The following CCDC38 variants were observed in gnomAD, a reference collection of about 807,000 sequenced individuals.
The protein encoded by CCDC38 is coiled-coil domain containing 38.
A neutral mutation model predicts 72.8 loss-of-function variants in CCDC38; 69 were observed. The observed-to-expected ratio is 0.95, with a 90% CI of 0.78 to 1.16. CCDC38 has a LOEUF of 1.16. Among genes scored for constraint, CCDC38 ranks in the 50% most tolerant of loss-of-function variants. The probability of loss-of-function intolerance (pLI) is 0.00; values close to 1 mark genes in which losing one functional copy is unlikely to be tolerated. For synonymous variants in CCDC38, 201 were observed against 213.2 expected (o/e 0.94, Z 0.50); for missense variants, 626 against 638.9 (o/e 0.98, Z 0.22).
chr12:95,917,209 A>G lies in CCDC38; in HGVS notation c.224T>C (p.Leu75Pro), dbSNP rs768871883. Residue 75 changes from leucine to proline, a missense_variant, in exon 4 of 16, where the codon CTA becomes CCA. Transcript: ENST00000344280. ...ACCACTCCTTTTAGGGTAGAAAGCTAGTTGGCTCAGGTATGAATGACTCTT... is the reference window on the plus strand; with the variant it reads ...ACCACTCCTTTTAGGGTAGAAAGCTGGTTGGCTCAGGTATGAATGACTCTT... ...RMKSHSYLSQ[L>P]AFYPKRSGRS... The G allele has an allele frequency of 6.2e-7, 1 of 1,610,990 alleles. No individual in the cohort carries two copies. The highest frequency in any genetic ancestry group is 1.1e-5 in the South Asian group (1 of 90,324).
intron 2 of CCDC38, among the ~76,000 whole-genome samples, chr12:95,926,426 C>T (rs1166794221): frequency 6.6e-6 from 1 of 151,626 alleles, no homozygotes; most frequent in East Asian, 1.9e-4. Flanking sequence ...TTTGATTCTT[C>T]TCTCTTTTCT....
chr12:95,871,107 C>T (rs1392132111), intron 14 of CCDC38, among the ~76,000 whole-genome samples: 1 of 152,156 alleles, frequency 6.6e-6, no homozygotes. Context: ...ATTACGTGAA[C>T]ATTATCCCAC....
chr12:95,921,735 C>A (rs1375763188), intron 2 of CCDC38, among the ~76,000 whole-genome samples: 4 of 101,638 alleles, frequency 3.9e-5, no homozygotes, highest in African/African-American at 1.8e-4. Context: ...CTGGAGTTGA[C>A]ACCTTAAATC....
chr12:95,906,466 G>A lies in CCDC38; in HGVS notation c.305-15C>T. 2 of 1,590,258 alleles carry A rather than the reference G, an allele frequency of 1.3e-6. No individual in the cohort carries two copies. Among genetic ancestry groups the A allele is most frequent in the Non-Finnish European group, 1.7e-6 (2 of 1,159,820 alleles). ...TGTGTCGGAACCTGTGAAGAAAGTT[G>A]AAATAGACTTAAGTTTAGTTCATCA... On this transcript the variant is annotated splice_polypyrimidine_tract_variant and intron_variant, in intron 4 of 15. Transcript: ENST00000344280.
intron 4 of CCDC38, among the ~76,000 whole-genome samples, chr12:95,906,828 A>G (rs12824236): frequency 0.28 from 20,238 of 72,490 alleles, 1,564 homozygotes; most frequent in South Asian, 0.43. Flanking sequence ...TTATTTATTT[A>G]TTTGTTTGTT....
chr12:95,918,148 A>G (rs1291690329), intron 3 of CCDC38, among the ~76,000 whole-genome samples: 1 of 152,196 alleles, frequency 6.6e-6, no homozygotes, highest in African/African-American at 2.4e-5. Flanking sequence ...AAAGAAAGTA[A>G]ATCTACTGAA....
chr12:95,892,937 T>G (rs2079845190), intron 8 of CCDC38, among the ~76,000 whole-genome samples: 1 of 152,166 alleles, frequency 6.6e-6, no homozygotes, highest in Admixed American at 6.5e-5. Context: ...TGCCAGTACA[T>G]GACTGTTTCA....
At chr12:95,923,927 C>T (rs377757721) in intron 2 of CCDC38, among the ~76,000 whole-genome samples, 4 of 140,348 alleles carry the variant, frequency 2.9e-5, no homozygotes, top group East Asian at 2.1e-4. Flanking sequence ...CACATTTTCT[C>T]AATCCAGTCT....
At chr12:95,888,289 G>GGA (rs1269644883) in intron 10 of CCDC38, among the ~76,000 whole-genome samples, 169 bp downstream of exon 10, 3 of 152,170 alleles carry the variant, frequency 2.0e-5, no homozygotes, top group African/African-American at 7.2e-5. Flanking sequence ...AACAAAGATT[G>GGA]GAGAGAGGCC....
chr12:95,895,520 G>A (rs1223979320), intron 7 of CCDC38, among the ~76,000 whole-genome samples: 1 of 152,144 alleles, frequency 6.6e-6, no homozygotes, highest in Non-Finnish European at 1.5e-5. Context: ...GGGAGGCCAA[G>A]GCAGGCAGAT....
At chr12:95,906,097 C>G (rs761667663) in intron 5 of CCDC38, among the ~76,000 whole-genome samples, 2 of 152,166 alleles carry the variant, frequency 1.3e-5, no homozygotes, top group African/African-American at 2.4e-5. Context: ...AAACTAGAAC[C>G]AGACATTTTC....
intron 5 of CCDC38, among the ~76,000 whole-genome samples, chr12:95,905,667 T>A (rs1415331997): frequency 1.3e-5 from 2 of 152,206 alleles, no homozygotes; most frequent in East Asian, 3.8e-4. Flanking sequence ...TTGAGACACA[T>A]CAACATCTTT....
At chr12:95,907,715 C>G (rs1336652941) in intron 4 of CCDC38, among the ~76,000 whole-genome samples, 1 of 148,468 alleles carries the variant, frequency 6.7e-6, no homozygotes, top group Non-Finnish European at 1.5e-5. Flanking sequence ...GGGCTCCTCA[C>G]TTCTCAGACA....
chr12:95,925,016 G>A (rs1379731019), intron 2 of CCDC38, among the ~76,000 whole-genome samples: 34 of 146,270 alleles, frequency 2.3e-4, no homozygotes, highest in East Asian at 5.9e-4. Flanking sequence ...TTGACTTGGC[G>A]ATGCAGGCTC....
rs750404477 is a variant in CCDC38 at position 95,869,561 on chromosome 12, C to T, written c.1497G>A (p.Glu499=). Residue 499 remains glutamate (E), a synonymous_variant, in exon 15 of 16, where the codon GAG becomes GAA. Coordinates refer to ENST00000344280, the MANE Select transcript of CCDC38 (RefSeq NM_182496.3). ...QKEWRQKFRD[E]KMKEKQRHQQ... ...GGTGTCTTTGTTTTTCTTTCATTTT[C>T]TCATCACGAAACCTGTCACAAGAAG... The T allele has an allele frequency of 7.4e-6, 12 of 1,612,628 alleles. No individual in the cohort carries two copies. The highest frequency in any genetic ancestry group is 1.0e-5 in the Non-Finnish European group (12 of 1,179,582).
chr12:95,927,795 C>T (rs10859985), intron 2 of CCDC38, among the ~76,000 whole-genome samples: 61,532 of 145,982 alleles, frequency 0.42, 13,366 homozygotes, highest in Admixed American at 0.53. Context: ...CCTTCACTTA[C>T]GAAGCTTAGT....
At chr12:95,927,141 G>C (rs950227071) in intron 2 of CCDC38, among the ~76,000 whole-genome samples, 1 of 152,032 alleles carries the variant, frequency 6.6e-6, no homozygotes, top group Admixed American at 6.6e-5. Context: ...TGACAGTGGG[G>C]TGTTAAAGTC....
intron 13 of CCDC38, among the ~76,000 whole-genome samples, chr12:95,873,454 T>A (rs1042228351): frequency 3.3e-5 from 5 of 152,200 alleles, no homozygotes; most frequent in Non-Finnish European, 1.5e-5. Context: ...AGTATTCTAG[T>A]CTAAACAAAA....
chr12:95,915,188 G>A (rs567372062), intron 4 of CCDC38, among the ~76,000 whole-genome samples: 62 of 152,278 alleles, frequency 4.1e-4, no homozygotes, highest in African/African-American at 1.4e-3. Context: ...GTTATAGTGA[G>A]TTTCCCATTT....
Sources: gnomAD v4.1 joint callset for allele counts (sites outside exome capture counted in the v4.1 genomes callset) on GRCh38, gnomAD v4.1.1 for gene constraint, MANE v1.5 for transcripts, NCBI Gene and HGNC (gene_info 2026-07-23, HGNC 2026-07-21) for gene names.